SUFU: variants seen among roughly 807,000 people sequenced by gnomAD.
SUFU encodes the protein SUFU negative regulator of hedgehog signaling.
In SUFU, 7 loss-of-function variants were observed where a neutral mutation model predicts 58.9. The ratio of observed to expected loss-of-function variants is 0.12; its 90% CI spans 0.07 to 0.22. SUFU has a LOEUF of 0.22. SUFU is among the 10% of genes least tolerant of loss of function. The probability of loss-of-function intolerance (pLI) is 1.00; values close to 1 mark genes in which losing one functional copy is unlikely to be tolerated. For synonymous variants in SUFU, 232 were observed against 254.8 expected (o/e 0.91, Z 0.85); for missense variants, 451 against 641.3 (o/e 0.70, Z 3.20).
chr10:102,590,332 A>T (rs1325155227), intron 3 of SUFU, among the ~76,000 whole-genome samples: 1 of 151,204 alleles, frequency 6.6e-6, no homozygotes, highest in Admixed American at 6.6e-5. Flanking sequence ...CGCCCTGCTA[A>T]TTTTTTGTAT....
intron 8 of SUFU, among the ~76,000 whole-genome samples, chr10:102,612,215 G>A (rs1350608651): frequency 3.5e-5 from 4 of 113,662 alleles, no homozygotes; most frequent in East Asian, 3.8e-4. Flanking sequence ...GTGTGCACGC[G>A]CATGTGTGTG....
chr10:102,581,745 CTGACATTT>C (rs1478951208), intron 3 of SUFU, among the ~76,000 whole-genome samples: 3 of 152,202 alleles, frequency 2.0e-5, no homozygotes, highest in African/African-American at 7.2e-5. Flanking sequence ...TCTGGCACAT[CTGACATTT>C]TGGGAAAGAA....
chr10:102,611,327 G>A (rs1335898989), intron 8 of SUFU, among the ~76,000 whole-genome samples: 1 of 152,260 alleles, frequency 6.6e-6, no homozygotes, highest in Non-Finnish European at 1.5e-5. Flanking sequence ...AAGGCAGCTT[G>A]TGCTCTGTAG....
chr10:102,517,943 G>A (rs1190975575), intron 2 of SUFU, among the ~76,000 whole-genome samples: 1 of 152,114 alleles, frequency 6.6e-6, no homozygotes, highest in East Asian at 1.9e-4. Context: ...CCGAGCGCCT[G>A]CCCTTAAAAA....
rs537158913 is a variant in SUFU, at chr10:102,573,181, G to A, written c.455-19401G>A. 3.3e-4 allele frequency: 251 copies of A among 759,180 alleles called. 1 individual carries two copies. The highest frequency in any genetic ancestry group is 2.5e-3 in the African/African-American group (149 of 58,818). The allele number at this position is 759,180 out of a possible 1,614,324, so 47.0% of individuals were successfully genotyped here. On this transcript the variant is annotated intron_variant, in intron 3 of 11. Coordinates refer to ENST00000369902, the MANE Select transcript of SUFU (RefSeq NM_016169.4). ...CCTTCAAAGCCTTTGCTTTGGCTTC[G>A]GCTTTAGGAGGAGCAGGAGCTTCCT...
chr10:102,562,254 G>T (rs1003958576), intron 3 of SUFU, among the ~76,000 whole-genome samples: 1 of 152,174 alleles, frequency 6.6e-6, no homozygotes, highest in Non-Finnish European at 1.5e-5. Context: ...GCCAGGTGCG[G>T]TGGCTCACGC....
At chr10:102,623,966 C>T (rs2063764531) in intron 10 of SUFU, among the ~76,000 whole-genome samples, 1 of 152,068 alleles carries the variant, frequency 6.6e-6, no homozygotes, top group Non-Finnish European at 1.5e-5. Flanking sequence ...AAGTCCAGAG[C>T]CTTGTCTCCT....
At chr10:102,622,359 C>T (rs2063746558) in intron 10 of SUFU, among the ~76,000 whole-genome samples, 2 of 151,956 alleles carry the variant, frequency 1.3e-5, no homozygotes, top group African/African-American at 4.8e-5. Flanking sequence ...TAATCAGTCC[C>T]AGCACTTTGG....
At chr10:102,555,154 G>A (rs1475801144) in intron 3 of SUFU, among the ~76,000 whole-genome samples, 2 of 151,594 alleles carry the variant, frequency 1.3e-5, no homozygotes, top group African/African-American at 4.9e-5. Context: ...TGTGGTCCCA[G>A]CTACTTGGGA....
rs2298279 is a variant in SUFU, at chr10:102,630,876, T to G, written c.*721T>G. On this transcript the variant is annotated 3_prime_UTR_variant, in exon 12 of 12. Coordinates refer to ENST00000369902, the MANE Select transcript of SUFU (RefSeq NM_016169.4). ...GGAGGAGCCGGCTGCACAGAGAGGC[T>G]TTTCTTCCCAGCTGGGCCTGGTGGA... is the stretch of plus-strand genomic sequence containing the variant. 220 of 235,260 alleles carry G rather than the reference T, an allele frequency of 9.4e-4. 3 individuals carry two copies. In the East Asian group the frequency reaches 0.012, roughly 13 times the overall value. The allele number at this position is 235,260 out of a possible 1,614,324, so 14.6% of individuals were successfully genotyped here. A position where few individuals can be genotyped will look rare whatever the true frequency, so the allele number is the denominator to read the frequency against.
At chr10:102,564,555 A>G (rs1397324835) in intron 3 of SUFU, among the ~76,000 whole-genome samples, 1 of 151,888 alleles carries the variant, frequency 6.6e-6, no homozygotes, top group Non-Finnish European at 1.5e-5. Flanking sequence ...CTGGTCTCCA[A>G]CTCTTGGGGT....
chr10:102,555,445 A>G (rs2062965741), intron 3 of SUFU, among the ~76,000 whole-genome samples: 1 of 151,650 alleles, frequency 6.6e-6, no homozygotes, highest in Admixed American at 6.6e-5. Flanking sequence ...TGGAGGCATT[A>G]TCTTACTCAC....
chr10:102,572,793 A>T, intron 3 of SUFU: 1 of 808,456 alleles, frequency 1.2e-6, no homozygotes, highest in South Asian at 1.3e-5. Flanking sequence ...CATCCAAAGC[A>T]TCGTAATCAG....
chr10:102,565,438 C>T (rs971100827), intron 3 of SUFU, among the ~76,000 whole-genome samples: 28 of 152,298 alleles, frequency 1.8e-4, no homozygotes, highest in African/African-American at 6.0e-4. Flanking sequence ...TATGCATCTC[C>T]TGCTGTGTTG....
Position 102,593,766 on chromosome 10 carries a change from G to A in SUFU, c.683+45G>A, listed in dbSNP as rs757885535. On this transcript the variant is annotated intron_variant, in intron 5 of 11. Coordinates refer to ENST00000369902, the MANE Select transcript of SUFU (RefSeq NM_016169.4). ...GGGAGCGCGGCTCCCTGGGCCTGGG[G>A]GTGGGAGTCCCTCCACTACCCTCCA... 7.5e-6 allele frequency: 12 copies of A among 1,589,642 alleles called. No homozygotes were observed. The South Asian group carries it at 9.9e-5, about 13-fold the overall frequency.
At chr10:102,610,527 T>C (rs994245335) in intron 8 of SUFU, among the ~76,000 whole-genome samples, 5 of 152,072 alleles carry the variant, frequency 3.3e-5, no homozygotes, top group African/African-American at 1.2e-4. Context: ...AAAACAGAAA[T>C]GTCCAGAGAA....
At chr10:102,608,043 G>A (rs1285255693) in intron 8 of SUFU, among the ~76,000 whole-genome samples, 1 of 151,926 alleles carries the variant, frequency 6.6e-6, no homozygotes, top group Non-Finnish European at 1.5e-5. Context: ...TGGCCAACAT[G>A]ATAAAACCCC....
rs1161933246 is a variant in SUFU, at chr10:102,504,087, G to C, written c.-66G>C. The C allele has an allele frequency of 1.3e-6, 2 of 1,487,910 alleles. No individual in the cohort carries two copies. The highest frequency in any genetic ancestry group is 1.8e-6 in the Non-Finnish European group (2 of 1,124,286). The allele number at this position is 1,487,910 out of a possible 1,614,324, so 92.2% of individuals were successfully genotyped here. A position where few individuals can be genotyped will look rare whatever the true frequency, so the allele number is the denominator to read the frequency against. On this transcript the variant is annotated 5_prime_UTR_variant, in exon 1 of 12. Transcript: ENST00000369902. ...TCTCACCCACCGAGTCCGCCCGCTG[G>C]CCCGTCAGTGCTCTCCCCGTCGTTT...
At position 102,629,667 on chromosome 10, in the gene SUFU, G is replaced by C. The variant is rs1284477865; in HGVS notation, c.1366-399G>C. On this transcript the variant is annotated intron_variant, in intron 11 of 11. Coordinates refer to ENST00000369902, the MANE Select transcript of SUFU (RefSeq NM_016169.4). This position sits in a 1 kb window ranked among gnomAD's most constrained non-coding sequence, Gnocchi z 4.7. ...CCTCTGAAAGAGAGGCCATGGCAGT[G>C]ACAGAGCTCAGGCCACTTCCCCATA... Among the ~76,000 whole-genome samples the C allele has an allele frequency of 2.0e-5, 3 of 152,196 alleles. No homozygotes were observed. Among genetic ancestry groups the C allele is most frequent in the African/African-American group, 7.2e-5 (3 of 41,448 alleles).
Sources: gnomAD v4.1 joint callset for allele counts (sites outside exome capture counted in the v4.1 genomes callset) on GRCh38, gnomAD v4.1.1 for gene constraint, Gnocchi (gnomAD v3.1) non-coding constraint, MANE v1.5 for transcripts, NCBI Gene and HGNC (gene_info 2026-07-23, HGNC 2026-07-21) for gene names.